NAMPT: variants seen among roughly 807,000 people sequenced by gnomAD.
NAMPT encodes the protein NAmPRTase.
In NAMPT, 7 loss-of-function variants were observed where a neutral mutation model predicts 58.7. That is an observed-to-expected ratio of 0.12 (90% CI 0.07 to 0.22). The LOEUF is 0.22. NAMPT is among the 10% of genes least tolerant of loss of function. NAMPT has a pLI of 1.00. For synonymous variants in NAMPT, 145 were observed against 198.1 expected (o/e 0.73, Z 2.25); for missense variants, 271 against 567.9 (o/e 0.48, Z 5.31).
chr7:106,252,074 TAAATC>T (rs1273148318), intron 10 of NAMPT, among the ~76,000 whole-genome samples: 16 of 152,192 alleles, frequency 1.1e-4, no homozygotes, highest in Non-Finnish European at 1.9e-4. Context: ...TTCCTACTCT[TAAATC>T]AAATTGCCTA....
Position 106,250,968 on chromosome 7 carries a change from T to C in NAMPT, c.*115A>G. 1.4e-6 allele frequency: 1 copy of C among 714,878 alleles called. No homozygotes were observed. The highest frequency in any genetic ancestry group is 2.4e-6 in the Non-Finnish European group (1 of 412,192). 44.3% of individuals were successfully genotyped at this position (714,878 alleles called of 1,614,324 possible). On this transcript the variant is annotated 3_prime_UTR_variant, in exon 11 of 11. Coordinates refer to ENST00000222553, the MANE Select transcript of NAMPT (RefSeq NM_005746.3). ...AAAGAAAAAAAATGAAAGGGCAGTATGTCCATAAACCAACAAATAATTTGG... is the reference window on the plus strand; with the variant it reads ...AAAGAAAAAAAATGAAAGGGCAGTACGTCCATAAACCAACAAATAATTTGG...
At chr7:106,276,876 C>T in intron 2 of NAMPT, 147 bp downstream of exon 2, 1 of 597,112 alleles carries the variant, frequency 1.7e-6, no homozygotes, top group South Asian at 2.4e-5. Flanking sequence ...TTTCAGAAAA[C>T]TTTTCTCATA....
At chr7:106,267,840 CAAAAAAAAAAAAAAAAAAAAAAAAAAAAA>C (rs769070307) in intron 6 of NAMPT, among the ~76,000 whole-genome samples, 1 of 33,174 alleles carries the variant, frequency 3.0e-5, no homozygotes, top group Non-Finnish European at 5.4e-5. Context: ...GACTCCGTCT[CAAAAAAAAAAAAAAAAAAAAAAAAAAAAA>C]AAAAAAACAA....
chr7:106,256,060 G>C (rs1455858986), intron 8 of NAMPT, among the ~76,000 whole-genome samples: 1 of 152,038 alleles, frequency 6.6e-6, no homozygotes, highest in Non-Finnish European at 1.5e-5. Context: ...TTTGAGTCTG[G>C]GAAGAAAAAC....
intron 1 of NAMPT, among the ~76,000 whole-genome samples, chr7:106,281,034 ACTT>A (rs918884358): frequency 6.6e-6 from 1 of 150,448 alleles, no homozygotes; most frequent in African/African-American, 2.5e-5. Context: ...GAAAGGATAA[ACTT>A]CTAAAAATTA....
chr7:106,251,487 C>CT (rs1433146213), intron 10 of NAMPT, among the ~76,000 whole-genome samples: 1 of 151,968 alleles, frequency 6.6e-6, no homozygotes, highest in Admixed American at 6.6e-5. Context: ...GCTGACCAAT[C>CT]TTTTTTTTCC....
chr7:106,268,639 G>A (rs2115783451), intron 5 of NAMPT, 39 bp from the exon 6 acceptor site: 7 of 1,495,176 alleles, frequency 4.7e-6, no homozygotes, highest in Non-Finnish European at 6.5e-6. Flanking sequence ...AAAACAGAAA[G>A]AAACCCACAT....
intron 1 of NAMPT, 77 bp downstream of exon 1, chr7:106,284,751 C>T (rs1586031920): frequency 8.3e-7 from 1 of 1,199,548 alleles, no homozygotes; most frequent in South Asian, 1.8e-5. Flanking sequence ...CCAGCCCCAG[C>T]CGCCCCCGCC....
chr7:106,267,866 A>AACAAAAAAAAAAC (rs1792453371), intron 6 of NAMPT, among the ~76,000 whole-genome samples: 1 of 133,566 alleles, frequency 7.5e-6, no homozygotes, highest in Non-Finnish European at 1.7e-5. Context: ...AAAAAAAAAA[A>AACAAAAAAAAAAC]AAAAAAAAAA....
At position 106,250,088 on chromosome 7, in the gene NAMPT, T is replaced by C. The variant is rs983371597; in HGVS notation, c.*995A>G. ...AATTTTTTAAAAACTTAATAAAAAA[T>C]ATAACAGAATTGAAACATTTAAGTA... On this transcript the variant is annotated 3_prime_UTR_variant, in exon 11 of 11. Coordinates refer to ENST00000222553, the MANE Select transcript of NAMPT (RefSeq NM_005746.3). The C allele has an allele frequency of 2.6e-5, 4 of 152,410 alleles. No individual in the cohort carries two copies. The highest frequency in any genetic ancestry group is 9.7e-5 in the African/African-American group (4 of 41,406). 9.4% of individuals were successfully genotyped at this position (152,410 alleles called of 1,614,324 possible). A position where few individuals can be genotyped will look rare whatever the true frequency, so the allele number is the denominator to read the frequency against.
At chr7:106,281,632 C>T (rs752173699) in intron 1 of NAMPT, among the ~76,000 whole-genome samples, 21 of 152,250 alleles carry the variant, frequency 1.4e-4, no homozygotes, top group African/African-American at 5.1e-4. Context: ...AAACCATAAC[C>T]GATTCTTCTT....
intron 9 of NAMPT, among the ~76,000 whole-genome samples, chr7:106,254,079 T>C (rs897881264): frequency 6.6e-6 from 1 of 152,156 alleles, no homozygotes; most frequent in Non-Finnish European, 1.5e-5. Flanking sequence ...TATTACTTTT[T>C]GATCTAAAGG....
At chr7:106,280,450 A>C (rs1413767484) in intron 1 of NAMPT, among the ~76,000 whole-genome samples, 1 of 152,214 alleles carries the variant, frequency 6.6e-6, no homozygotes, top group Non-Finnish European at 1.5e-5. Flanking sequence ...CTCTTAAATC[A>C]TGTTAACTTT....
intron 1 of NAMPT, chr7:106,284,523 G>C (rs1054684137): frequency 1.3e-5 from 2 of 155,710 alleles, no homozygotes; most frequent in African/African-American, 4.9e-5. Flanking sequence ...CGAGCCCCGA[G>C]CACCGGCGCC....
chr7:106,251,155 T>A lies in NAMPT; in HGVS notation c.1404A>T (p.Thr468=), dbSNP rs887239423. The change falls in exon 11 of 11, where the codon ACA becomes ACT. Residue 468 remains threonine, a synonymous_variant. Coordinates refer to ENST00000222553, the MANE Select transcript of NAMPT (RefSeq NM_005746.3). ...TTATTTCATCAAATGAATAGCTTTTTGTCACCTTGCCATTCTTGAAGACAG... is the reference window on the plus strand; with the variant it reads ...TTATTTCATCAAATGAATAGCTTTTAGTCACCTTGCCATTCTTGAAGACAG... ...LHTVFKNGKV[T]KSYSFDEIRK... is the part of the protein sequence containing the mutation. 1 of 1,606,902 alleles carries A rather than the reference T, an allele frequency of 6.2e-7. No homozygotes were observed. The highest frequency in any genetic ancestry group is 1.3e-5 in the African/African-American group (1 of 74,726).
intron 2 of NAMPT, 173 bp from the exon 3 acceptor site, chr7:106,275,222 C>A (rs1792609712): frequency 4.8e-6 from 2 of 415,102 alleles, no homozygotes; most frequent in Non-Finnish European, 8.7e-6. Context: ...GGAATTTGTA[C>A]TTTTAATAAC....
chr7:106,266,922 C>T (rs950164999), intron 6 of NAMPT, among the ~76,000 whole-genome samples: 4 of 152,148 alleles, frequency 2.6e-5, no homozygotes, highest in Non-Finnish European at 4.4e-5. Context: ...AAAATATGAG[C>T]GCCCTTACTA....
At chr7:106,253,235 C>A (rs531431132) in intron 9 of NAMPT, 84 bp from the exon 10 acceptor site, 1 of 1,436,578 alleles carries the variant, frequency 7.0e-7, no homozygotes, top group Non-Finnish European at 9.5e-7. Flanking sequence ...AAAGCACATA[C>A]ATAATTTACA....
At position 106,249,084 on chromosome 7, in the gene NAMPT, AAT is replaced by A. The variant is rs1051651767; in HGVS notation, c.*1997_*1998del. 1.3e-5 allele frequency: 2 copies of A among 152,312 alleles called. No individual in the cohort carries two copies. Among genetic ancestry groups the A allele is most frequent in the Admixed American group, 1.3e-4 (2 of 15,248 alleles). 9.4% of individuals were successfully genotyped at this position (152,312 alleles called of 1,614,324 possible). ...GGTGATTATCAAAACTATTATTGGT[AAT>A]AGTTTCTTTTGATTCTTTACACGCC... On this transcript the variant is annotated 3_prime_UTR_variant, in exon 11 of 11. Transcript: ENST00000222553.
Sources: gnomAD v4.1 joint callset for allele counts (sites outside exome capture counted in the v4.1 genomes callset) on GRCh38, gnomAD v4.1.1 for gene constraint, MANE v1.5 for transcripts, NCBI Gene and HGNC (gene_info 2026-07-23, HGNC 2026-07-21) for gene names.